Variants in BIRC6 observed in about 807,000 individuals in gnomAD.
BIRC6 encodes dual E2 ubiquitin-conjugating enzyme/E3 ubiquitin-protein ligase BIRC6.
BIRC6 carries 98 observed loss-of-function variants against 503.3 expected under a neutral mutation model. That is an observed-to-expected ratio of 0.19 (90% CI 0.17 to 0.23). The LOEUF is 0.23. Among genes scored for constraint, BIRC6 ranks in the 10% least tolerant of loss-of-function variants. BIRC6 has a pLI of 1.00. For missense variants in BIRC6, 5,360 were observed against 5,806.0 expected (o/e 0.92, Z 2.50); for synonymous variants, 2,240 against 2,078.7 (o/e 1.08, Z -2.11).
chr2:32,503,418 T>C (rs1224784717), intron 49 of BIRC6, among the ~76,000 whole-genome samples, 182 bp downstream of exon 49: 1 of 151,662 alleles, frequency 6.6e-6, no homozygotes, highest in African/African-American at 2.4e-5. Context: ...CTTTGTTTGT[T>C]TGTTTGTTTG....
chr2:32,548,159 C>A (rs1266231249), intron 64 of BIRC6, 145 bp downstream of exon 64: 32 of 642,780 alleles, frequency 5.0e-5, no homozygotes, highest in Non-Finnish European at 6.3e-5. Flanking sequence ...TAAGATACCA[C>A]TGGATAAAGA....
chr2:32,556,130 T>C (rs1000601035), intron 65 of BIRC6, among the ~76,000 whole-genome samples: 4 of 152,180 alleles, frequency 2.6e-5, no homozygotes, highest in African/African-American at 7.2e-5. Context: ...ATAACGTAAG[T>C]GCTTATCAAC....
chr2:32,402,680 T>A (rs1311804215), intron 8 of BIRC6, among the ~76,000 whole-genome samples: 1 of 152,210 alleles, frequency 6.6e-6, no homozygotes. Flanking sequence ...GAAAGCAGCT[T>A]AACTGTTGTC....
At chr2:32,564,828 A>G (rs1018058866) in intron 65 of BIRC6, 17 of 152,236 alleles carry the variant, frequency 1.1e-4, no homozygotes, top group African/African-American at 4.1e-4. Context: ...TCAGCTCTGT[A>G]CTAAGGCATA....
chr2:32,519,330 C>A (rs754474345), intron 57 of BIRC6: 34 of 191,606 alleles, frequency 1.8e-4, no homozygotes, highest in Non-Finnish European at 3.4e-4. Context: ...GTGATCAAGA[C>A]ATAAATGGAG....
chr2:32,468,685 A>G lies in BIRC6; in HGVS notation c.6029A>G (p.Asn2010Ser), dbSNP rs780485453. ...ASRKMLSETS[N>S]PEDLIQTSST... ...CGGAAGATGTTGAGTGAAACATCAA[A>G]TCCAGAAGATTTAATTCAGACATCT... Residue 2010 changes from asparagine to serine, a missense_variant, in exon 29 of 74, where the codon AAT becomes AGT. Physicochemically the swap from Asn to Ser is conservative, Grantham distance 46. Around this residue, in one of 16 missense-constraint regions of BIRC6, gnomAD observed 2,299 missense variants for 2,267.2 expected, o/e 1.01. Transcript: ENST00000421745. 2 of 1,614,024 alleles carry G rather than the reference A, an allele frequency of 1.2e-6. No individual in the cohort carries two copies. The highest frequency in any genetic ancestry group is 4.5e-5 in the East Asian group (2 of 44,884).
chr2:32,427,472 G>A (rs1365614478), intron 10 of BIRC6, among the ~76,000 whole-genome samples: 1 of 152,018 alleles, frequency 6.6e-6, no homozygotes, highest in African/African-American at 2.4e-5. Flanking sequence ...TTTTAGTAGA[G>A]ATGGGGTTTC....
At chr2:32,406,757 G>T (rs1292627309) in intron 9 of BIRC6, among the ~76,000 whole-genome samples, 200 bp downstream of exon 9, 1 of 152,028 alleles carries the variant, frequency 6.6e-6, no homozygotes, top group East Asian at 1.9e-4. Flanking sequence ...AAATTTAAAT[G>T]GTACCTATTT....
intron 30 of BIRC6, among the ~76,000 whole-genome samples, 193 bp downstream of exon 30, chr2:32,469,807 A>C (rs1029874141): frequency 1.3e-5 from 2 of 152,026 alleles, no homozygotes; most frequent in Non-Finnish European, 2.9e-5. Flanking sequence ...ATTAGAGTCT[A>C]CTCTTTAGTT....
chr2:32,527,625 A>T (rs911842401), intron 59 of BIRC6: 34 of 152,454 alleles, frequency 2.2e-4, no homozygotes, highest in African/African-American at 7.0e-4. Flanking sequence ...TTTAGTGATA[A>T]TGATGAACTG....
chr2:32,386,255 C>G (rs1002277980), intron 3 of BIRC6, among the ~76,000 whole-genome samples: 1 of 152,080 alleles, frequency 6.6e-6, no homozygotes, highest in Non-Finnish European at 1.5e-5. Flanking sequence ...AGAACTGTAA[C>G]TACCTACCAG....
intron 10 of BIRC6, 27 bp downstream of exon 10, chr2:32,416,190 C>T: frequency 6.5e-7 from 1 of 1,534,250 alleles, no homozygotes; most frequent in South Asian, 1.3e-5. Context: ...TGCTATAAAT[C>T]TTATAAAATC....
intron 47 of BIRC6, 81 bp downstream of exon 47, chr2:32,501,969 ATAAG>A: frequency 7.7e-7 from 1 of 1,301,796 alleles, no homozygotes; most frequent in Non-Finnish European, 1.1e-6. Flanking sequence ...ACAAAGATAA[ATAAG>A]TATATTTATT....
intron 65 of BIRC6, among the ~76,000 whole-genome samples, chr2:32,574,246 A>G (rs539658003): frequency 6.9e-6 from 1 of 145,940 alleles, no homozygotes; most frequent in South Asian, 2.1e-4. Flanking sequence ...CCCCAGTTGC[A>G]GGGACTACAG....
At position 32,470,080 on chromosome 2, in the gene BIRC6, C is replaced by G. The variant is rs910136350; in HGVS notation, c.6348-88C>G. On this transcript the variant is annotated intron_variant, in intron 30 of 73. Coordinates refer to ENST00000421745, the MANE Select transcript of BIRC6 (RefSeq NM_016252.4). Reference sequence around the variant, plus strand: ...TAAGAAAGCAAATATTCTATCATTACTCTGTTAAATTTCTATGTAAATTAT... The same window carrying G: ...TAAGAAAGCAAATATTCTATCATTAGTCTGTTAAATTTCTATGTAAATTAT... 5.4e-6 allele frequency: 6 copies of G among 1,115,430 alleles called. No homozygotes were observed. In the African/African-American group the frequency reaches 9.7e-5, roughly 18 times the overall value. The allele number at this position is 1,115,430 out of a possible 1,614,324, so 69.1% of individuals were successfully genotyped here. A position where few individuals can be genotyped will look rare whatever the true frequency, so the allele number is the denominator to read the frequency against.
chr2:32,403,343 G>A (rs1408096325), intron 8 of BIRC6, among the ~76,000 whole-genome samples: 1 of 152,124 alleles, frequency 6.6e-6, no homozygotes, highest in Non-Finnish European at 1.5e-5. Flanking sequence ...AAAAATCTAA[G>A]CTTATCCAAG....
chr2:32,405,460 A>G (rs1052733628), intron 8 of BIRC6, among the ~76,000 whole-genome samples: 1 of 152,234 alleles, frequency 6.6e-6, no homozygotes, highest in African/African-American at 2.4e-5. Context: ...CTTGGAGTGC[A>G]GTAATATCCT....
intron 9 of BIRC6, among the ~76,000 whole-genome samples, chr2:32,413,567 C>T (rs1354648576): frequency 6.6e-6 from 1 of 152,034 alleles, no homozygotes; most frequent in African/African-American, 2.4e-5. Context: ...AATCTGCCTA[C>T]CTCAACCTCC....
rs1427747963 is a variant in BIRC6, at chr2:32,468,533, A to T, written c.5877A>T (p.Lys1959Asn). 6.2e-7 allele frequency: 1 copy of T among 1,613,858 alleles called. No individual in the cohort carries two copies. Among genetic ancestry groups the T allele is most frequent in the Non-Finnish European group, 8.5e-7 (1 of 1,179,880 alleles). The change falls in exon 29 of 74, where the codon AAA becomes AAT. Residue 1959 changes from lysine to asparagine, a missense_variant. Around this residue, in one of 16 missense-constraint regions of BIRC6, gnomAD observed 2,299 missense variants for 2,267.2 expected, o/e 1.01. Transcript: ENST00000421745. ...SANNAQYFLR[K>N]PDKAVEEDSR... ...ACAATGCACAGTACTTTTTACGAAA[A>T]CCAGATAAGGCAGTTGAGGAAGACA... is the stretch of plus-strand genomic sequence containing the variant.
Sources: allele counts gnomAD v4.1 joint callset (sites outside exome capture counted in the v4.1 genomes callset), GRCh38; gene constraint gnomAD v4.1.1; regional missense constraint gnomAD v4.1.1; transcripts MANE v1.5; gene names NCBI Gene and HGNC (gene_info 2026-07-23, HGNC 2026-07-21).